UGT1A6: variants seen among roughly 807,000 people sequenced by gnomAD.
UGT1A6 encodes the protein UDP glucuronosyltransferase family 1 member A6.
A neutral mutation model predicts 44.4 loss-of-function variants in UGT1A6; 32 were observed. The observed-to-expected ratio is 0.72, with a 90% confidence interval of 0.54 to 0.97. The LOEUF (loss-of-function observed/expected upper bound fraction) is 0.97. UGT1A6 is among the 50% of genes least tolerant of loss of function. The pLI, the probability that UGT1A6 is intolerant of heterozygous loss-of-function variation, is 0.00. For synonymous variants in UGT1A6, 238 were observed against 248.5 expected (o/e 0.96, Z 0.40); for missense variants, 685 against 661.9 (o/e 1.03, Z -0.38).
At chr2:233,729,022 G>A (rs1236460241) in intron 1 of UGT1A6, 8 of 1,594,664 alleles carry the variant, frequency 5.0e-6, no homozygotes, top group South Asian at 4.6e-5. Flanking sequence ...CCAATTACAC[G>A]TTGATTTGCT....
Position 233,693,429 on chromosome 2 carries a change from G to A in UGT1A6, c.425G>A (p.Ser142Asn). Residue 142 changes from serine to asparagine, a missense_variant, in exon 1 of 5, where the codon AGC becomes AAC. Physicochemically the swap from Ser to Asn is conservative, Grantham distance 46. Coordinates refer to ENST00000305139, the MANE Select transcript of UGT1A6 (RefSeq NM_001072.4). Reference sequence around the variant, plus strand: ...GACACCCTGAACTTCTTTAAGGAGAGCAAGTTTGATGCTCTTTTCACAGAC... The same window carrying A: ...GACACCCTGAACTTCTTTAAGGAGAACAAGTTTGATGCTCTTTTCACAGAC... ...DRDTLNFFKE[S>N]KFDALFTDPA... is the part of the protein sequence containing the mutation. The A allele has an allele frequency of 1.2e-6, 2 of 1,614,166 alleles. No homozygotes were observed. The highest frequency in any genetic ancestry group is 1.7e-6 in the Non-Finnish European group (2 of 1,180,032).
intron 1 of UGT1A6, chr2:233,747,293 A>C (rs1693613348): frequency 3.7e-6 from 6 of 1,600,642 alleles, no homozygotes; most frequent in Non-Finnish European, 5.1e-6. Context: ...CCCTGGGCTG[A>C]GAGTGGGAAG....
chr2:233,732,301 C>A (rs2078258261), intron 1 of UGT1A6, among the ~76,000 whole-genome samples: 1 of 152,184 alleles, frequency 6.6e-6, no homozygotes, highest in South Asian at 2.1e-4. Flanking sequence ...TTAATTAGAT[C>A]CCATTTGTCT....
At chr2:233,721,074 A>G (rs2076920580) in intron 1 of UGT1A6, among the ~76,000 whole-genome samples, 1 of 152,036 alleles carries the variant, frequency 6.6e-6, no homozygotes, top group African/African-American at 2.4e-5. Flanking sequence ...AATTTATATG[A>G]ACTTCCATGA....
chr2:233,713,549 G>A (rs1391054862), intron 1 of UGT1A6: 1 of 1,613,986 alleles, frequency 6.2e-7, no homozygotes. Flanking sequence ...AGGGCACACA[G>A]TGTCCAAACC....
intron 1 of UGT1A6, among the ~76,000 whole-genome samples, chr2:233,728,134 C>T (rs1335852512): frequency 1.3e-5 from 2 of 152,184 alleles, no homozygotes; most frequent in Non-Finnish European, 2.9e-5. Flanking sequence ...GACTAGGGCC[C>T]CCACAAATTG....
At chr2:233,755,840 T>G (rs557934522) in intron 1 of UGT1A6, 1 of 152,356 alleles carries the variant, frequency 6.6e-6, no homozygotes, top group Admixed American at 6.5e-5. Flanking sequence ...ATTGGGCAAT[T>G]TAAGAAGAAT....
At chr2:233,747,014 C>T (rs774665109) in intron 1 of UGT1A6, among the ~76,000 whole-genome samples, 7 of 151,838 alleles carry the variant, frequency 4.6e-5, no homozygotes, top group Non-Finnish European at 1.0e-4. Context: ...TAGGAGTGAT[C>T]GGTCTTTCCC....
chr2:233,708,476 G>A (rs2092189867), intron 1 of UGT1A6: 1 of 152,210 alleles, frequency 6.6e-6, no homozygotes, highest in African/African-American at 2.4e-5. Flanking sequence ...AACTGGCTGA[G>A]CGTGGTGGCT....
intron 1 of UGT1A6, chr2:233,713,010 G>T (rs778526502): frequency 6.2e-7 from 1 of 1,613,520 alleles, no homozygotes; most frequent in African/African-American, 1.3e-5. Flanking sequence ...AGGACTCCAG[G>T]TTCCCCTGCC....
intron 1 of UGT1A6, among the ~76,000 whole-genome samples, chr2:233,754,048 T>C (rs1329917116): frequency 6.6e-6 from 1 of 152,254 alleles, no homozygotes; most frequent in Non-Finnish European, 1.5e-5. Flanking sequence ...TTGCCAGGTT[T>C]ACCTGCTTTT....
At chr2:233,729,152 T>C (rs749302324) in intron 1 of UGT1A6, 3 of 1,613,556 alleles carry the variant, frequency 1.9e-6, no homozygotes, top group Non-Finnish European at 2.5e-6. Flanking sequence ...CAGGTTCCCC[T>C]GCCGTGGCTG....
At chr2:233,731,619 C>A (rs527896427) in intron 1 of UGT1A6, among the ~76,000 whole-genome samples, 1 of 152,252 alleles carries the variant, frequency 6.6e-6, no homozygotes, top group South Asian at 2.1e-4. Context: ...TGAACTCATC[C>A]TTTTTTATGG....
chr2:233,721,870 C>G (rs905859628), intron 1 of UGT1A6: 1 of 500,564 alleles, frequency 2.0e-6, no homozygotes, highest in Non-Finnish European at 4.0e-6. Context: ...CCTGGGCACA[C>G]TTGCCAGCCC....
chr2:233,728,929 G>A (rs533311965), intron 1 of UGT1A6, among the ~76,000 whole-genome samples: 12 of 142,966 alleles, frequency 8.4e-5, no homozygotes, highest in Admixed American at 6.7e-4. Context: ...AGTCATGATC[G>A]GTCTTTTCCA....
intron 1 of UGT1A6, chr2:233,747,355 T>C: frequency 1.2e-6 from 2 of 1,603,184 alleles, no homozygotes; most frequent in East Asian, 2.2e-5. Context: ...CGGGAGGCCG[T>C]GCGGGAGCTC....
At chr2:233,743,656 G>C (rs528527073) in intron 1 of UGT1A6, 2 of 1,367,266 alleles carry the variant, frequency 1.5e-6, no homozygotes, top group Non-Finnish European at 2.0e-6. Context: ...AGACGTACTC[G>C]AAGGGGTCCT....
chr2:233,734,133 G>T lies in UGT1A6; in HGVS notation c.862-32901G>T, dbSNP rs9711095. Among the ~76,000 whole-genome samples the T allele has an allele frequency of 6.7e-3, 1,025 of 152,076 alleles. 39 individuals carry two copies. Among genetic ancestry groups the T allele is most frequent in the Admixed American group, 0.052 (802 of 15,280 alleles). ...ATAATAATAATAATAAAAAGAATTTGGCTGTGAATCCATCTGGTCCTGGAC... is the reference window on the plus strand; with the variant it reads ...ATAATAATAATAATAAAAAGAATTTTGCTGTGAATCCATCTGGTCCTGGAC... On this transcript the variant is annotated intron_variant, in intron 1 of 4. Transcript: ENST00000305139.
chr2:233,748,112 C>G (rs879064318), intron 1 of UGT1A6: 2 of 1,611,964 alleles, frequency 1.2e-6, no homozygotes, highest in South Asian at 2.2e-5. Context: ...AATCAATGTT[C>G]CAGGCAAAAC....
Sources: allele counts gnomAD v4.1 joint callset (sites outside exome capture counted in the v4.1 genomes callset), GRCh38; gene constraint gnomAD v4.1.1; transcripts MANE v1.5; gene names NCBI Gene and HGNC (gene_info 2026-07-23, HGNC 2026-07-21).